The following LRRC19 variants were observed in gnomAD, a reference collection of about 807,000 sequenced individuals.
LRRC19 encodes leucine-rich repeat-containing protein 19.
Under a neutral mutation model 33.3 loss-of-function variants are expected in LRRC19, and 33 were observed. The ratio of observed to expected loss-of-function variants is 0.99; its 90% CI spans 0.75 to 1.33. The LOEUF (loss-of-function observed/expected upper bound fraction) is 1.33, where lower values mean the gene tolerates loss of function less well. Among genes scored for constraint, LRRC19 ranks in the 40% most tolerant of loss-of-function variants. The pLI is 0.00. For synonymous variants in LRRC19, 184 were observed against 152.3 expected (o/e 1.21, Z -1.53); for missense variants, 463 against 417.3 (o/e 1.11, Z -0.95).
chr9:26,994,341 A>G lies in LRRC19; in HGVS notation c.*1180T>C. 6.6e-6 allele frequency: 1 copy of G among 152,132 alleles called. No individual in the cohort carries two copies. Among genetic ancestry groups the G allele is most frequent in the East Asian group, 1.9e-4 (1 of 5,180 alleles). 9.4% of individuals were successfully genotyped at this position (152,132 alleles called of 1,614,324 possible). A position where few individuals can be genotyped will look rare whatever the true frequency, so the allele number is the denominator to read the frequency against. ...ATCATGAGGTCAGGCGTTCGAGACC[A>G]GCCTGGCCAACATGGTGAAACCCTG... On this transcript the variant is annotated 3_prime_UTR_variant, in exon 5 of 5. Coordinates refer to ENST00000380055, the MANE Select transcript of LRRC19 (RefSeq NM_022901.3).
Position 26,995,554 on chromosome 9 carries a change from A to G in LRRC19, c.1080T>C (p.Tyr360=), listed in dbSNP as rs1378854122. The part of the protein sequence containing the change: ...VDDDGFIEDK[Y]IDIHELCEEN ...CTTCACATAATTCATGGATATCTAT[A>G]TATTTGTCTTCAATAAATCCATCAT... Residue 360 remains tyrosine (Y), a synonymous_variant, in exon 5 of 5, where the codon TAT becomes TAC. Transcript: ENST00000380055. 3.8e-6 allele frequency: 6 copies of G among 1,593,808 alleles called. No individual in the cohort carries two copies. The highest frequency in any genetic ancestry group is 2.2e-5 in the East Asian group (1 of 44,700).
Position 26,997,918 on chromosome 9 carries a change from T to C in LRRC19, c.405A>G (p.Gln135=), listed in dbSNP as rs1256776266. The part of the protein sequence containing the change: ...QLYLCQNKIE[Q]LNADVFVPLR... ...GAGGCACAAATACATCAGCATTCAG[T>C]TGTTCTATTTTGTTTTGGCAGAGAT... The change falls in exon 3 of 5, where the codon CAA becomes CAG. Residue 135 remains glutamine, a synonymous_variant. Coordinates refer to ENST00000380055, the MANE Select transcript of LRRC19 (RefSeq NM_022901.3). 3 of 1,613,936 alleles carry C rather than the reference T, an allele frequency of 1.9e-6. No homozygotes were observed. The highest frequency in any genetic ancestry group is 2.7e-5 in the African/African-American group (2 of 74,914).
In LRRC19 at chr9:26,995,643, G is replaced by C; in HGVS notation, c.991C>G (p.Pro331Ala). 3 of 1,613,666 alleles carry C rather than the reference G, an allele frequency of 1.9e-6. No homozygotes were observed. The highest frequency in any genetic ancestry group is 2.5e-6 in the Non-Finnish European group (3 of 1,179,738). The change falls in exon 5 of 5, where the codon CCA becomes GCA. Residue 331 changes from proline (P) to alanine (A), a missense_variant. Pro to Ala is a conservative substitution (Grantham distance 27). Coordinates refer to ENST00000380055, the MANE Select transcript of LRRC19 (RefSeq NM_022901.3). ...TGNPSSLSQI[P>A]ETNSEETTVI... is the part of the protein sequence containing the mutation. ...GTAGTTTCTTCAGAGTTTGTTTCTGGTATCTGTGAAAGAGAGCTTGGATTT... is the reference window on the plus strand; with the variant it reads ...GTAGTTTCTTCAGAGTTTGTTTCTGCTATCTGTGAAAGAGAGCTTGGATTT...
Position 26,997,599 on chromosome 9 carries a change from GATGGGATTACAGGC to G in LRRC19, c.595+115_595+128del, listed in dbSNP as rs1828233717. 3 of 962,598 alleles carry G rather than the reference GATGGGATTACAGGC, an allele frequency of 3.1e-6. No individual in the cohort carries two copies. In the South Asian group the frequency reaches 5.4e-5, roughly 17 times the overall value. The allele number at this position is 962,598 out of a possible 1,614,324, so 59.6% of individuals were successfully genotyped here. ...TCCCCCTGCCTTGGCCTCCCATAGTGATGGGATTACAGGCATGAGCCACTGCGCCTGGCTGCTTC... is the reference window on the plus strand; with the variant it reads ...TCCCCCTGCCTTGGCCTCCCATAGTGATGAGCCACTGCGCCTGGCTGCTTC... On this transcript the variant is annotated intron_variant, in intron 3 of 4. Transcript: ENST00000380055.
At chr9:26,997,044 C>G (rs1451368840) in intron 3 of LRRC19, among the ~76,000 whole-genome samples, 2 of 151,906 alleles carry the variant, frequency 1.3e-5, no homozygotes, top group East Asian at 3.9e-4. Context: ...AAGCCCATCT[C>G]TACTAAAAAT....
In LRRC19 at chr9:26,997,886, C is replaced by A; in HGVS notation, c.437G>T (p.Ser146Ile). The A allele has an allele frequency of 1.2e-6, 2 of 1,614,114 alleles. No homozygotes were observed. The highest frequency in any genetic ancestry group is 1.6e-4 in the Middle Eastern group (1 of 6,062). The change falls in exon 3 of 5, where the codon AGC becomes ATC. Residue 146 changes from serine to isoleucine, a missense_variant. Ser to Ile is a moderately radical substitution (Grantham distance 142, BLOSUM62 -2). Coordinates refer to ENST00000380055, the MANE Select transcript of LRRC19 (RefSeq NM_022901.3). ...LNADVFVPLR[S>I]LKLLNLQGNL... ...GCCTTGCAGATTCAGAAGTTTTAGGCTTCTTAGAGGCACAAATACATCAGC... is the reference window on the plus strand; with the variant it reads ...GCCTTGCAGATTCAGAAGTTTTAGGATTCTTAGAGGCACAAATACATCAGC...
chr9:26,996,739 T>C (rs989065391), intron 3 of LRRC19, among the ~76,000 whole-genome samples: 3 of 152,142 alleles, frequency 2.0e-5, no homozygotes, highest in Non-Finnish European at 2.9e-5. Context: ...AGTGTAGATT[T>C]TATTATTAAT....
chr9:27,002,550 A>T (rs954378346), intron 1 of LRRC19, among the ~76,000 whole-genome samples: 2 of 152,104 alleles, frequency 1.3e-5, no homozygotes, highest in African/African-American at 4.8e-5. Context: ...AACAACTATT[A>T]TTTCTCCATT....
chr9:27,004,050 G>A (rs1269290317), intron 1 of LRRC19, among the ~76,000 whole-genome samples: 16 of 152,080 alleles, frequency 1.1e-4, no homozygotes, highest in Non-Finnish European at 1.5e-5. Flanking sequence ...CAAATAGGAT[G>A]GGGATAGTGA....
intron 4 of LRRC19, 52 bp from the exon 5 acceptor site, chr9:26,995,901 A>C (rs775625083): frequency 1.6e-5 from 20 of 1,273,858 alleles, no homozygotes; most frequent in Non-Finnish European, 1.7e-5. Context: ...TTAAGTTGGC[A>C]AAATAATCAT....
At position 26,996,342 on chromosome 9, in the gene LRRC19, A is replaced by T; in HGVS notation, c.753T>A (p.Asn251Lys). 1.2e-6 allele frequency: 2 copies of T among 1,605,148 alleles called. No homozygotes were observed. The highest frequency in any genetic ancestry group is 1.7e-6 in the Non-Finnish European group (2 of 1,174,518). ...HFQPISNSIF[N>K]SSSNNLTRNS... Reference sequence around the variant, plus strand: ...TTCTTGTTAAGTTGTTCGAAGAGCTATTAAATATTGAATTGCTGATGGGCT... The same window carrying T: ...TTCTTGTTAAGTTGTTCGAAGAGCTTTTAAATATTGAATTGCTGATGGGCT... Residue 251 changes from asparagine to lysine, a missense_variant, in exon 4 of 5, where the codon AAT (asparagine) becomes AAA (lysine). Transcript: ENST00000380055.
rs1490098927 is a variant in LRRC19 at position 26,996,406 on chromosome 9, A to T, written c.689T>A (p.Phe230Tyr). 1.2e-6 allele frequency: 2 copies of T among 1,610,746 alleles called. No individual in the cohort carries two copies. Among genetic ancestry groups the T allele is most frequent in the African/African-American group, 2.7e-5 (2 of 74,904 alleles). ...AAGATCTTCAGTTACTGATGAAGGA[A>T]ATTTTGAGTGGCATTCAGCCTTATG... ...VPHKAECHSK[F>Y]PSSVTEDLYI... The change falls in exon 4 of 5, where the codon TTT becomes TAT. Residue 230 changes from phenylalanine to tyrosine, a missense_variant. Phe to Tyr is a conservative substitution (Grantham distance 22, BLOSUM62 3). Transcript: ENST00000380055.
intron 1 of LRRC19, among the ~76,000 whole-genome samples, chr9:27,004,447 G>T (rs1245827367): frequency 6.6e-6 from 1 of 152,198 alleles, no homozygotes; most frequent in Admixed American, 6.5e-5. Flanking sequence ...TCACATATTT[G>T]TGTGCCTTTT....
intron 1 of LRRC19, among the ~76,000 whole-genome samples, chr9:27,000,397 A>G (rs182325358): frequency 6.6e-6 from 1 of 152,204 alleles, no homozygotes; most frequent in Admixed American, 6.5e-5. Context: ...GATTTTTTCA[A>G]TTTTAGGCAT....
chr9:27,005,196 T>C (rs1828703254), intron 1 of LRRC19, among the ~76,000 whole-genome samples: 1 of 152,150 alleles, frequency 6.6e-6, no homozygotes, highest in Admixed American at 6.5e-5. Flanking sequence ...GTAAGAAGAA[T>C]AGTTATCAGC....
chr9:26,998,275 G>A, intron 2 of LRRC19, 34 bp from the exon 3 acceptor site: 2 of 1,212,788 alleles, frequency 1.6e-6, no homozygotes, highest in Non-Finnish European at 1.1e-6. Flanking sequence ...GCATTAATCA[G>A]AAAAAAAATT....
chr9:26,998,635 A>C (rs1828300941), intron 2 of LRRC19, among the ~76,000 whole-genome samples: 1 of 152,182 alleles, frequency 6.6e-6, no homozygotes, highest in South Asian at 2.1e-4. Context: ...ATTTTAAACT[A>C]TATGTGTTTT....
intron 1 of LRRC19, among the ~76,000 whole-genome samples, chr9:27,003,519 T>A (rs1220804216): frequency 6.6e-6 from 1 of 151,504 alleles, no homozygotes; most frequent in African/African-American, 2.4e-5. Context: ...TGAGACTCTG[T>A]CTCAGAAAAA....
rs559837623 is a variant in LRRC19 at position 26,997,606 on chromosome 9, T to G, written c.595+122A>C. 6 of 1,045,642 alleles carry G rather than the reference T, an allele frequency of 5.7e-6. No homozygotes were observed. The African/African-American group carries it at 8.1e-5, about 14-fold the overall frequency. The allele number at this position is 1,045,642 out of a possible 1,614,324, so 64.8% of individuals were successfully genotyped here. On this transcript the variant is annotated intron_variant, in intron 3 of 4. Transcript: ENST00000380055. ...GCCTTGGCCTCCCATAGTGATGGGATTACAGGCATGAGCCACTGCGCCTGG... is the reference window on the plus strand; with the variant it reads ...GCCTTGGCCTCCCATAGTGATGGGAGTACAGGCATGAGCCACTGCGCCTGG...
Sources: allele counts gnomAD v4.1 joint callset (sites outside exome capture counted in the v4.1 genomes callset), GRCh38; gene constraint gnomAD v4.1.1; transcripts MANE v1.5; gene names NCBI Gene and HGNC (gene_info 2026-07-23, HGNC 2026-07-21).